SPATA13: variants seen among roughly 807,000 people sequenced by gnomAD.
The protein encoded by SPATA13 is spermatogenesis associated 13.
SPATA13 carries 50 observed loss-of-function variants against 104.0 expected under a neutral mutation model. The ratio of observed to expected loss-of-function variants is 0.48; its 90% CI spans 0.38 to 0.61. The LOEUF is 0.61. SPATA13 is among the 20% of genes least tolerant of loss of function. SPATA13 has a pLI of 0.00. For synonymous variants in SPATA13, 606 were observed against 667.5 expected (o/e 0.91, Z 1.42); for missense variants, 1,524 against 1,690.6 (o/e 0.90, Z 1.73).
rs560997715 is a variant in SPATA13, at chr13:24,217,358, C to G, written c.-111-5461C>G. Among the ~76,000 whole-genome samples, 50 of 152,302 alleles carry G rather than the reference C, an allele frequency of 3.3e-4. 2 individuals are homozygous for G. Among genetic ancestry groups the G allele is most frequent in the African/African-American group, 1.1e-3 (46 of 41,582 alleles). ...ATAGCATCAGTGGCCACAGTTGCTGCTAGACATCCTACAAAGCACAGGTCT... is the reference window on the plus strand; with the variant it reads ...ATAGCATCAGTGGCCACAGTTGCTGGTAGACATCCTACAAAGCACAGGTCT... On this transcript the variant is annotated intron_variant, in intron 1 of 12. Coordinates refer to ENST00000382108, the MANE Select transcript of SPATA13 (RefSeq NM_001166271.3).
intron 3 of SPATA13, among the ~76,000 whole-genome samples, chr13:24,038,089 T>A (rs1349939359): frequency 6.6e-6 from 1 of 151,548 alleles, no homozygotes; most frequent in East Asian, 2.0e-4. Flanking sequence ...TTTTTTGTAT[T>A]TTTTTAGTAG....
intron 3 of SPATA13, among the ~76,000 whole-genome samples, chr13:24,075,643 G>C (rs921143894): frequency 2.0e-5 from 3 of 152,144 alleles, no homozygotes; most frequent in Non-Finnish European, 4.4e-5. Context: ...TGCTTATCCC[G>C]CTTTTTAAAA....
intron 2 of SPATA13, among the ~76,000 whole-genome samples, chr13:24,236,170 G>C (rs752168959): frequency 3.3e-5 from 5 of 152,144 alleles, no homozygotes; most frequent in Admixed American, 3.3e-4. Flanking sequence ...CCATTTATTA[G>C]CCTCCTCATC....
chr13:24,271,261 TTTTGC>T (rs1874590359), intron 4 of SPATA13, among the ~76,000 whole-genome samples: 1 of 151,926 alleles, frequency 6.6e-6, no homozygotes, highest in Non-Finnish European at 1.5e-5. Flanking sequence ...GGGGTCTGGG[TTTTGC>T]TGCTGATATT....
At chr13:24,063,682 C>T (rs892411386) in intron 3 of SPATA13, among the ~76,000 whole-genome samples, 7 of 152,208 alleles carry the variant, frequency 4.6e-5, no homozygotes, top group African/African-American at 1.2e-4. Context: ...CTCTTCAGCT[C>T]AGGGTCAGGA....
chr13:24,105,317 G>T (rs957203653), intron 3 of SPATA13, among the ~76,000 whole-genome samples: 1 of 151,902 alleles, frequency 6.6e-6, no homozygotes, highest in Non-Finnish European at 1.5e-5. Context: ...TGTATTTTGG[G>T]GGGTAGAGAC....
At chr13:24,122,072 A>C in intron 3 of SPATA13, 1 of 1,588,594 alleles carries the variant, frequency 6.3e-7, no homozygotes, top group Non-Finnish European at 8.6e-7. Flanking sequence ...AACTCAATTC[A>C]TCCCTGGTGC....
chr13:23,993,933 C>T (rs1040505810), intron 2 of SPATA13, among the ~76,000 whole-genome samples: 2 of 150,740 alleles, frequency 1.3e-5, no homozygotes, highest in African/African-American at 4.9e-5. Context: ...AGCGATGATT[C>T]CCTGAAGTCT....
intron 3 of SPATA13, among the ~76,000 whole-genome samples, chr13:24,098,606 A>AATC (rs374626457): frequency 6.8e-6 from 1 of 147,810 alleles, no homozygotes; most frequent in East Asian, 2.0e-4. Context: ...AAAAAAAAAA[A>AATC]AAGAAGAAGA....
rs779067347 is a variant in SPATA13, at chr13:24,249,479, C to T, written c.1656C>T (p.Val552=). Residue 552 remains valine (V), a splice_region_variant and synonymous_variant, in exon 3 of 13, where the codon GTC becomes GTT. Coordinates refer to ENST00000382108, the MANE Select transcript of SPATA13 (RefSeq NM_001166271.3). ...AGPEEKEKEE[V]VPDGPWRRSS... Reference sequence around the variant, plus strand: ...CCTGACCTGTTCGCATTTGAAAGGTCGTCCCTGATGGCCCCTGGAGGCGAA... The same window carrying T: ...CCTGACCTGTTCGCATTTGAAAGGTTGTCCCTGATGGCCCCTGGAGGCGAA... The T allele has an allele frequency of 7.1e-6, 11 of 1,549,834 alleles. No individual in the cohort carries two copies. The African/African-American group carries it at 1.1e-4, about 15-fold the overall frequency.
intron 1 of SPATA13, among the ~76,000 whole-genome samples, chr13:24,215,069 G>T (rs890158093): frequency 6.6e-6 from 1 of 152,180 alleles, no homozygotes; most frequent in Admixed American, 6.5e-5. Flanking sequence ...CTGAGGACGC[G>T]CTGGCAATGA....
intron 10 of SPATA13, among the ~76,000 whole-genome samples, chr13:24,296,099 G>A (rs1876763101): frequency 6.6e-6 from 1 of 152,226 alleles, no homozygotes; most frequent in African/African-American, 2.4e-5. Context: ...GAGAAAGTTT[G>A]GAGCAAGAAG....
intron 1 of SPATA13, among the ~76,000 whole-genome samples, chr13:24,209,184 C>G (rs1208369431): frequency 6.6e-6 from 1 of 152,078 alleles, no homozygotes; most frequent in African/African-American, 2.4e-5. Flanking sequence ...TTCAGGAATT[C>G]GACTTGAACA....
intron 3 of SPATA13, among the ~76,000 whole-genome samples, chr13:24,072,676 C>T (rs1016408371): frequency 1.3e-5 from 2 of 152,162 alleles, no homozygotes; most frequent in Non-Finnish European, 2.9e-5. Context: ...TCACCAGTGA[C>T]CTGCTTGCCA....
chr13:24,121,518 C>T (rs1881029301), intron 3 of SPATA13, among the ~76,000 whole-genome samples: 1 of 152,048 alleles, frequency 6.6e-6, no homozygotes, highest in Admixed American at 6.5e-5. Context: ...CAATAATCTA[C>T]ATAGGAACAA....
chr13:24,212,774 G>T (rs1352416988), intron 1 of SPATA13, among the ~76,000 whole-genome samples: 1 of 152,208 alleles, frequency 6.6e-6, no homozygotes. Context: ...TTTGTTTGGT[G>T]GATAGGCAGG....
In SPATA13 at chr13:24,249,512, A is replaced by T; in HGVS notation, c.1689A>T (p.Ser563=). The T allele has an allele frequency of 1.9e-6, 3 of 1,599,154 alleles. No individual in the cohort carries two copies. The Admixed American group carries it at 5.3e-5, about 28-fold the overall frequency. ...VPDGPWRRSS[S]QDEERTEAQR... ...ATGGCCCCTGGAGGCGAAGCTCATC[A>T]CAGGATGAGGAAAGGACAGAGGCAC... Residue 563 remains serine (S), a synonymous_variant, in exon 3 of 13, where the codon TCA becomes TCT. Coordinates refer to ENST00000382108, the MANE Select transcript of SPATA13 (RefSeq NM_001166271.3).
Position 24,224,600 on chromosome 13 carries a change from G to A in SPATA13, c.1653+18G>A. Reference sequence around the variant, plus strand: ...AGGAGGAGGTAAGGGCAGCGGCGAGGTCCCTCATGTGGGCGACCCTCCTGC... The same window carrying A: ...AGGAGGAGGTAAGGGCAGCGGCGAGATCCCTCATGTGGGCGACCCTCCTGC... On this transcript the variant is annotated intron_variant, in intron 2 of 12. Transcript: ENST00000382108. 1 of 1,537,058 alleles carries A rather than the reference G, an allele frequency of 6.5e-7. No homozygotes were observed.
chr13:24,091,482 C>T (rs1298036599), intron 3 of SPATA13, among the ~76,000 whole-genome samples: 1 of 152,156 alleles, frequency 6.6e-6, no homozygotes, highest in African/African-American at 2.4e-5. Context: ...AGAATATTCT[C>T]TGAGTAAGGT....
Sources: allele counts gnomAD v4.1 joint callset (sites outside exome capture counted in the v4.1 genomes callset), GRCh38; gene constraint gnomAD v4.1.1; transcripts MANE v1.5; gene names NCBI Gene and HGNC (gene_info 2026-07-23, HGNC 2026-07-21).